The following ERBIN variants were observed in gnomAD, a reference collection of about 807,000 sequenced individuals.
ERBIN encodes the protein erbb2 interacting protein.
A neutral mutation model predicts 158.4 loss-of-function variants in ERBIN; 60 were observed. That is an observed-to-expected ratio of 0.38 (90% CI 0.31 to 0.47). The LOEUF is 0.47. Among genes scored for constraint, ERBIN ranks in the 20% least tolerant of loss-of-function variants. ERBIN has a pLI of 0.99. For missense variants in ERBIN, 1,610 were observed against 1,648.0 expected (o/e 0.98, Z 0.40); for synonymous variants, 594 against 557.2 (o/e 1.07, Z -0.93).
intron 23 of ERBIN, 63 bp from the exon 24 acceptor site, chr5:66,076,253 G>T: frequency 8.3e-7 from 1 of 1,201,200 alleles, no homozygotes; most frequent in Non-Finnish European, 1.2e-6. Flanking sequence ...TTTAAATATG[G>T]ATGTTGTTGC....
chr5:66,028,443 G>C, intron 14 of ERBIN, 100 bp downstream of exon 14: 1 of 784,426 alleles, frequency 1.3e-6, no homozygotes, highest in Non-Finnish European at 2.1e-6. Context: ...CTATACATGT[G>C]GTACACATGT....
intron 17 of ERBIN, among the ~76,000 whole-genome samples, chr5:66,045,543 T>C (rs1255303429): frequency 6.6e-6 from 1 of 152,148 alleles, no homozygotes; most frequent in Non-Finnish European, 1.5e-5. Context: ...CACTCTGTGA[T>C]GTTCACAGAG....
rs146205425 is a variant in ERBIN, at chr5:65,965,607, A to C, written c.-57-23028A>C. 6.1e-3 allele frequency among the ~76,000 whole-genome samples: 925 copies of C among 151,956 alleles called. 12 individuals carry two copies. The highest frequency in any genetic ancestry group is 0.021 in the African/African-American group (885 of 41,442). The stretch of plus-strand genomic sequence containing the variant: ...TGGGTTTCACCATGTTGGTCAGGCT[A>C]ATCTTGAACTTCTGAGTTCAAGTGG... On this transcript the variant is annotated intron_variant, in intron 1 of 25. Coordinates refer to ENST00000284037, the MANE Select transcript of ERBIN (RefSeq NM_001253697.2).
chr5:65,976,520 C>CTTT (rs778638629), intron 1 of ERBIN, among the ~76,000 whole-genome samples: 2 of 138,060 alleles, frequency 1.4e-5, no homozygotes, highest in African/African-American at 5.3e-5. Context: ...TTTCTTTTTT[C>CTTT]TTTTTTTTTT....
chr5:66,023,903 T>C (rs1755962558), intron 9 of ERBIN, among the ~76,000 whole-genome samples: 1 of 152,076 alleles, frequency 6.6e-6, no homozygotes, highest in Non-Finnish European at 1.5e-5. Context: ...GGTCTCGATC[T>C]CCTGACCTCA....
At chr5:65,979,757 AG>A (rs1160572662) in intron 1 of ERBIN, among the ~76,000 whole-genome samples, 6 of 152,250 alleles carry the variant, frequency 3.9e-5, no homozygotes. Context: ...TAAAGACAGA[AG>A]GAAATGGTAA....
intron 21 of ERBIN, among the ~76,000 whole-genome samples, chr5:66,066,773 C>A (rs116238655): frequency 6.6e-6 from 1 of 152,186 alleles, no homozygotes; most frequent in Non-Finnish European, 1.5e-5. Flanking sequence ...TATTATACAA[C>A]TATCAGTATG....
chr5:66,034,673 A>G (rs1434941365), intron 14 of ERBIN, among the ~76,000 whole-genome samples: 1 of 151,832 alleles, frequency 6.6e-6, no homozygotes, highest in African/African-American at 2.4e-5. Flanking sequence ...ATTTTCAGGT[A>G]ACATGTAGAG....
At chr5:66,023,761 C>T (rs1188098435) in intron 9 of ERBIN, among the ~76,000 whole-genome samples, 5 of 151,322 alleles carry the variant, frequency 3.3e-5, no homozygotes, top group African/African-American at 1.2e-4. Flanking sequence ...CTGCGAGCTC[C>T]GCCTCCTGGG....
At chr5:66,072,319 T>G in intron 22 of ERBIN, 28 bp downstream of exon 22, 1 of 1,548,860 alleles carries the variant, frequency 6.5e-7, no homozygotes, top group South Asian at 1.2e-5. Context: ...CAAAATGTAG[T>G]ATCTGTGAGC....
At chr5:65,967,854 C>T (rs759655363) in intron 1 of ERBIN, among the ~76,000 whole-genome samples, 3 of 152,096 alleles carry the variant, frequency 2.0e-5, no homozygotes, top group East Asian at 3.8e-4. Context: ...CAAATTCTTA[C>T]GTGGTTGCAG....
chr5:66,057,589 T>C (rs1158581965), intron 21 of ERBIN, among the ~76,000 whole-genome samples: 1 of 152,118 alleles, frequency 6.6e-6, no homozygotes, highest in African/African-American at 2.4e-5. Context: ...TTAGGATACA[T>C]GTGCACAACG....
At chr5:66,026,010 CT>C in intron 12 of ERBIN, 33 bp downstream of exon 12, 1 of 1,537,326 alleles carries the variant, frequency 6.5e-7, no homozygotes, top group Non-Finnish European at 8.7e-7. Flanking sequence ...AGATTTTTGT[CT>C]TTTCATTTTT....
At chr5:66,049,419 G>A (rs1239043300) in intron 19 of ERBIN, among the ~76,000 whole-genome samples, 1 of 152,072 alleles carries the variant, frequency 6.6e-6, no homozygotes, top group Non-Finnish European at 1.5e-5. Flanking sequence ...CCCTTGGATA[G>A]CTTGGGTTCA....
At chr5:65,953,199 C>G (rs1746722682) in intron 1 of ERBIN, among the ~76,000 whole-genome samples, 1 of 152,174 alleles carries the variant, frequency 6.6e-6, no homozygotes, top group Admixed American at 6.5e-5. Context: ...TGTTCACATC[C>G]TCTGCATACA....
rs1580479814 is a variant in ERBIN at position 66,054,389 on chromosome 5, A to G, written c.3071A>G (p.His1024Arg). 1.2e-6 allele frequency: 2 copies of G among 1,614,188 alleles called. No individual in the cohort carries two copies. Among genetic ancestry groups the G allele is most frequent in the Non-Finnish European group, 1.7e-6 (2 of 1,180,030 alleles). The change falls in exon 21 of 26, where the codon CAT becomes CGT. Residue 1024 changes from histidine to arginine, a missense_variant. By Grantham distance (29) the His-to-Arg change is conservative. Around this residue, in one of 2 missense-constraint regions of ERBIN, gnomAD observed 1,014 missense variants for 936.1 expected, o/e 1.08. Coordinates refer to ENST00000284037, the MANE Select transcript of ERBIN (RefSeq NM_001253697.2). Reference protein sequence around the residue: ...ESTENQSYAKHSANMNFSNHN... With the variant: ...ESTENQSYAKRSANMNFSNHN... ...ACAGAAAATCAAAGTTATGCTAAACATTCTGCCAATATGAATTTCTCTAAT... is the reference window on the plus strand; with the variant it reads ...ACAGAAAATCAAAGTTATGCTAAACGTTCTGCCAATATGAATTTCTCTAAT...
chr5:65,966,482 A>G (rs1748630743), intron 1 of ERBIN, among the ~76,000 whole-genome samples: 1 of 152,068 alleles, frequency 6.6e-6, no homozygotes, highest in East Asian at 1.9e-4. Context: ...GAAGATTGAG[A>G]TCAGCCTGAC....
chr5:66,007,417 C>T (rs1270995462), intron 4 of ERBIN, among the ~76,000 whole-genome samples: 2 of 62,266 alleles, frequency 3.2e-5, no homozygotes, highest in East Asian at 5.1e-4. Context: ...GAGGGGATAG[C>T]GTTAGGAGAT....
chr5:66,066,624 A>G (rs1209958006), intron 21 of ERBIN, among the ~76,000 whole-genome samples: 2 of 152,162 alleles, frequency 1.3e-5, no homozygotes, highest in Non-Finnish European at 2.9e-5. Flanking sequence ...GCAAAATTTG[A>G]AAAGGAATAA....
Sources: gnomAD v4.1 joint callset for allele counts (sites outside exome capture counted in the v4.1 genomes callset) on GRCh38, gnomAD v4.1.1 for gene constraint, gnomAD v4.1.1 regional missense constraint, MANE v1.5 for transcripts, NCBI Gene and HGNC (gene_info 2026-07-23, HGNC 2026-07-21) for gene names.